The following LTBR variants were observed in gnomAD, a reference collection of about 807,000 sequenced individuals.
LTBR encodes the protein lymphotoxin beta receptor.
LTBR carries 15 observed loss-of-function variants against 45.4 expected under a neutral mutation model. The observed-to-expected ratio is 0.33, with a 90% confidence interval of 0.22 to 0.51. The LOEUF (loss-of-function observed/expected upper bound fraction) is 0.51. Ranked by LOEUF, LTBR falls within the 20% of genes least tolerant of loss-of-function variation. The pLI is 0.97. For synonymous variants in LTBR, 228 were observed against 231.0 expected (o/e 0.99, Z 0.12); for missense variants, 450 against 565.5 (o/e 0.80, Z 2.07).
chr12:6,375,630 A>G, intron 1 of LTBR: 1 of 1,493,360 alleles, frequency 6.7e-7, no homozygotes, highest in Non-Finnish European at 8.9e-7. Flanking sequence ...AGGAGGAGTC[A>G]GAGCCGGGAG....
chr12:6,376,219 C>G (rs1190078695), intron 1 of LTBR: 6 of 982,122 alleles, frequency 6.1e-6, no homozygotes, highest in Non-Finnish European at 7.3e-6. Context: ...TCTGCCTCCT[C>G]CTGGTCCCTC....
intron 1 of LTBR, among the ~76,000 whole-genome samples, chr12:6,379,093 T>A (rs927548330): frequency 5.3e-5 from 8 of 152,176 alleles, no homozygotes; most frequent in African/African-American, 1.9e-4. Context: ...TGTTTACTAT[T>A]ATTTATTATT....
In LTBR at chr12:6,384,469, T is replaced by C. The variant is rs1308919847; in HGVS notation, c.96+15T>C. On this transcript the variant is annotated intron_variant, in intron 1 of 9. Transcript: ENST00000228918. ...AGCCCCAGGCGGTGAGGAAGGGGCC[T>C]GGTAGGAGTGGGCGAGGGTGGGCAA... 6.4e-7 allele frequency: 1 copy of C among 1,566,212 alleles called. No individual in the cohort carries two copies. The highest frequency in any genetic ancestry group is 1.9e-5 in the Admixed American group (1 of 52,368).
intron 4 of LTBR, chr12:6,385,716 C>T (rs992529948): frequency 2.1e-5 from 8 of 373,188 alleles, no homozygotes; most frequent in Admixed American, 4.2e-5. Context: ...ACCATCCTGG[C>T]TAACACAGTG....
In LTBR at chr12:6,387,875, T is replaced by G. The variant is rs1244860122; in HGVS notation, c.668-523T>G. The G allele has an allele frequency of 7.5e-5, 34 of 455,204 alleles. No individual in the cohort carries two copies. The Admixed American group carries it at 8.0e-4, about 11-fold the overall frequency. The allele number at this position is 455,204 out of a possible 1,614,324, so 28.2% of individuals were successfully genotyped here. A position where few individuals can be genotyped will look rare whatever the true frequency, so the allele number is the denominator to read the frequency against. Reference sequence around the variant, plus strand: ...GGCCACAGGCAGTTCCGAAGCAAGTTTCCCTACTCTCTCACCCCTGTAAAC... The same window carrying G: ...GGCCACAGGCAGTTCCGAAGCAAGTGTCCCTACTCTCTCACCCCTGTAAAC... On this transcript the variant is annotated intron_variant, in intron 6 of 9. Transcript: ENST00000228918.
chr12:6,380,950 C>G (rs181493598), upstream of LTBR, among the ~76,000 whole-genome samples: 1 of 152,130 alleles, frequency 6.6e-6, no homozygotes, highest in East Asian at 1.9e-4. Flanking sequence ...ATGCCCTGCC[C>G]GCGGTGAACC....
In LTBR at chr12:6,390,269, A is replaced by G. The variant is rs370657088; in HGVS notation, c.959A>G (p.Gln320Arg). The change falls in exon 9 of 10, where the codon CAA becomes CGA. Residue 320 changes from glutamine (Q) to arginine (R), a missense_variant. Transcript: ENST00000228918. ...CCAGTTTTGGAGGCAGGGGTGCCGC[A>G]ACAGCAGAGTCCTCTGGACCTGACC... ...AAPVLEAGVP[Q>R]QQSPLDLTRE... The G allele has an allele frequency of 9.3e-5, 150 of 1,613,934 alleles. No homozygotes were observed. The highest frequency in any genetic ancestry group is 1.7e-4 in the Admixed American group (10 of 59,996).
chr12:6,378,726 T>C (rs1948945106), intron 1 of LTBR, among the ~76,000 whole-genome samples: 1 of 152,192 alleles, frequency 6.6e-6, no homozygotes, highest in Non-Finnish European at 1.5e-5. Flanking sequence ...AGCCCAGTTC[T>C]CCTTCTCTGA....
In LTBR at chr12:6,390,206, G is replaced by C; in HGVS notation, c.896G>C (p.Gly299Ala). The change falls in exon 9 of 10, where the codon GGA becomes GCA. Residue 299 changes from glycine to alanine, a missense_variant. Gly to Ala is a moderately conservative substitution (Grantham distance 60, BLOSUM62 0). This residue lies in a region of LTBR where 367 missense variants were observed against 435.4 expected (regional missense o/e 0.84). Coordinates refer to ENST00000228918, the MANE Select transcript of LTBR (RefSeq NM_002342.3). ...GTACAGCCACTGCTACCCATTTCTG[G>C]AGATGTTTCCCCAGTATCCACTGGG... is the stretch of plus-strand genomic sequence containing the variant. ...DLVQPLLPISGDVSPVSTGLP... is the reference protein window; with the variant it reads ...DLVQPLLPISADVSPVSTGLP... The C allele has an allele frequency of 6.2e-7, 1 of 1,614,098 alleles. No individual in the cohort carries two copies. The highest frequency in any genetic ancestry group is 8.5e-7 in the Non-Finnish European group (1 of 1,180,018).
upstream of LTBR, chr12:6,383,991 G>T: frequency 8.9e-7 from 1 of 1,122,782 alleles, no homozygotes; most frequent in Non-Finnish European, 1.1e-6. Context: ...TCGGGCTTCC[G>T]AAGAAGGGAG....
upstream of LTBR, among the ~76,000 whole-genome samples, chr12:6,380,668 C>A (rs909068357): frequency 6.8e-6 from 1 of 147,148 alleles, no homozygotes; most frequent in South Asian, 2.1e-4. Context: ...CCAGCCTGGG[C>A]GACAGACTGA....
At chr12:6,375,437 G>A in exon 1 of LTBR, 5 of 1,534,126 alleles carry the variant, frequency 3.3e-6, no homozygotes, top group Non-Finnish European at 3.5e-6. Context: ...CCACTCCCAG[G>A]TTGCGGCTGG....
rs776524395 is a variant in LTBR, at chr12:6,390,984, T to G, written c.*47T>G. The G allele has an allele frequency of 6.7e-7, 1 of 1,491,386 alleles. No individual in the cohort carries two copies. The highest frequency in any genetic ancestry group is 8.9e-7 in the Non-Finnish European group (1 of 1,119,948). The allele number at this position is 1,491,386 out of a possible 1,614,324, so 92.4% of individuals were successfully genotyped here. On this transcript the variant is annotated 3_prime_UTR_variant, in exon 10 of 10. Transcript: ENST00000228918. ...AGAAGGGGGGCACAAGGGCACCTTC[T>G]CCCTTGAGGCTGCCCTGCCCACGTG... is the stretch of plus-strand genomic sequence containing the variant.
At chr12:6,387,686 G>T (rs536582795) in intron 6 of LTBR, 48 of 283,964 alleles carry the variant, frequency 1.7e-4, no homozygotes, top group African/African-American at 9.9e-4. Flanking sequence ...GACACTGGAG[G>T]CTCCATGCTA....
intron 1 of LTBR, chr12:6,377,613 C>A: frequency 8.0e-7 from 1 of 1,254,766 alleles, no homozygotes; most frequent in South Asian, 1.3e-5. Context: ...CCCACTGCCC[C>A]ACATATCCCA....
chr12:6,380,040 C>T (rs527262047), upstream of LTBR, among the ~76,000 whole-genome samples: 24 of 151,700 alleles, frequency 1.6e-4, no homozygotes, highest in Admixed American at 7.9e-4. Context: ...TTGACATTTT[C>T]GGCTGTATCA....
At chr12:6,387,746 G>C (rs1592100711) in intron 6 of LTBR, 1 of 370,270 alleles carries the variant, frequency 2.7e-6, no homozygotes, top group Non-Finnish European at 5.5e-6. Context: ...CACTGCTACA[G>C]ATCACAGCTG....
At position 6,390,902 on chromosome 12, in the gene LTBR, AG is replaced by A; in HGVS notation, c.1277del (p.Gly426AlafsTer12). ...GCACTGTGGTGCCACACCCTCTAACAGGGGCCCAAGGAACCAATTTATCACC... is the reference window on the plus strand; with the variant it reads ...GCACTGTGGTGCCACACCCTCTAACAGGGCCCAAGGAACCAATTTATCACC... Reference protein sequence around the residue: ...TEHCGATPSNRGPRNQFITHD With the variant: ...TEHCGATPSNXGPRNQFITHD On this transcript the variant is annotated frameshift_variant, in exon 10 of 10. Coordinates refer to ENST00000228918, the MANE Select transcript of LTBR (RefSeq NM_002342.3). LOFTEE classifies it high-confidence loss of function. 1.9e-6 allele frequency: 3 copies of A among 1,582,392 alleles called. No homozygotes were observed. Among genetic ancestry groups the A allele is most frequent in the East Asian group, 2.3e-5 (1 of 43,578 alleles).
At chr12:6,385,962 A>G (rs1006500218) in intron 4 of LTBR, 104 bp from the exon 5 acceptor site, 11 of 758,666 alleles carry the variant, frequency 1.4e-5, no homozygotes, top group Non-Finnish European at 2.1e-5. Flanking sequence ...GAGCTACGCA[A>G]TGGGGTGGAT....
Sources: allele counts gnomAD v4.1 joint callset (sites outside exome capture counted in the v4.1 genomes callset), GRCh38; gene constraint gnomAD v4.1.1; regional missense constraint gnomAD v4.1.1; transcripts MANE v1.5; gene names NCBI Gene and HGNC (gene_info 2026-07-23, HGNC 2026-07-21).